The following SLF2 variants were observed in gnomAD, a reference collection of about 807,000 sequenced individuals.
SLF2 encodes the protein SMC5-SMC6 complex localization factor protein 2.
Under a neutral mutation model 124.3 loss-of-function variants are expected in SLF2, and 68 were observed. The observed-to-expected ratio is 0.55, with a 90% CI of 0.45 to 0.67. The LOEUF is 0.67. SLF2 is among the 30% of genes least tolerant of loss of function. The pLI is 0.00. For synonymous variants in SLF2, 480 were observed against 478.8 expected (o/e 1.00, Z -0.03); for missense variants, 1,246 against 1,373.7 (o/e 0.91, Z 1.47).
chr10:100,964,042 T>C lies in SLF2; in HGVS notation c.*2130T>C, dbSNP rs1589973244. 6.5e-6 allele frequency: 1 copy of C among 152,764 alleles called. No homozygotes were observed. Among genetic ancestry groups the C allele is most frequent in the Admixed American group, 6.5e-5 (1 of 15,302 alleles). 9.5% of individuals were successfully genotyped at this position (152,764 alleles called of 1,614,324 possible). ...TCATAGTCCAGTCAGTATTTGCATT[T>C]GGGTTCTCATGAAAACTTTGTGACT... On this transcript the variant is annotated 3_prime_UTR_variant, in exon 20 of 20. Transcript: ENST00000238961.
intron 17 of SLF2, among the ~76,000 whole-genome samples, chr10:100,954,993 G>GCAGTGGCA (rs1332310275): frequency 6.7e-6 from 1 of 148,980 alleles, no homozygotes; most frequent in Admixed American, 6.7e-5. Flanking sequence ...AGGCTGGAGT[G>GCAGTGGCA]CAGTGGCACA....
chr10:100,928,977 C>T (rs927810238), intron 6 of SLF2, among the ~76,000 whole-genome samples: 5 of 152,132 alleles, frequency 3.3e-5, no homozygotes, highest in African/African-American at 1.2e-4. Context: ...GATGTTTATT[C>T]TTTGCCATTT....
chr10:100,953,269 C>G (rs1407334253), intron 17 of SLF2, among the ~76,000 whole-genome samples: 2 of 151,650 alleles, frequency 1.3e-5, no homozygotes, highest in African/African-American at 4.8e-5. Flanking sequence ...ATCCGCCCAC[C>G]TCGGCCTCCC....
intron 12 of SLF2, among the ~76,000 whole-genome samples, chr10:100,944,463 C>G (rs1435969062): frequency 2.2e-5 from 3 of 134,138 alleles, no homozygotes; most frequent in African/African-American, 8.5e-5. Context: ...CCACTGCACT[C>G]TAGCCTGGGC....
At chr10:100,915,973 A>T (rs1301625464) in intron 1 of SLF2, 26 bp from the exon 2 acceptor site, 2 of 1,564,528 alleles carry the variant, frequency 1.3e-6, no homozygotes, top group African/African-American at 1.4e-5. Flanking sequence ...TGCTTATATG[A>T]TGCCATATTA....
At chr10:100,937,065 A>G (rs1428981198) in intron 9 of SLF2, among the ~76,000 whole-genome samples, 3 of 152,078 alleles carry the variant, frequency 2.0e-5, no homozygotes, top group African/African-American at 7.2e-5. Context: ...TTTTTATTTT[A>G]TCTTATTGTA....
chr10:100,916,381 CAAAT>C (rs1356831939), intron 2 of SLF2, among the ~76,000 whole-genome samples, 185 bp from the exon 3 acceptor site: 1 of 152,048 alleles, frequency 6.6e-6, no homozygotes, highest in Non-Finnish European at 1.5e-5. Flanking sequence ...AGGCTTTTAA[CAAAT>C]AAATCATCTC....
chr10:100,955,310 A>G (rs549076095), intron 17 of SLF2, among the ~76,000 whole-genome samples: 1 of 152,136 alleles, frequency 6.6e-6, no homozygotes, highest in Non-Finnish European at 1.5e-5. Flanking sequence ...TATACCAGAA[A>G]GAGGGGCATG....
chr10:100,942,753 G>A (rs1290651959), intron 11 of SLF2, among the ~76,000 whole-genome samples: 8 of 151,988 alleles, frequency 5.3e-5, no homozygotes, highest in Non-Finnish European at 8.8e-5. Flanking sequence ...TCCTGACCTC[G>A]GGTGATCTGC....
intron 1 of SLF2, chr10:100,913,472 G>T (rs766787144): frequency 1.9e-5 from 24 of 1,288,472 alleles, no homozygotes; most frequent in Non-Finnish European, 2.3e-5. Flanking sequence ...GTGACCACCA[G>T]CCTGGACAGC....
rs771354752 is a variant in SLF2, at chr10:100,913,197, C to T, written c.87C>T (p.Pro29=). ...GSSPPRCHLR[P]GSTAHAAAGK... ...CGCCCCCGCGCTGCCATCTGAGACC[C>T]GGTAGTACCGCCCATGCTGCAGCGG... Residue 29 remains proline (P), a synonymous_variant, in exon 1 of 20, where the codon CCC becomes CCT. Transcript: ENST00000238961. The T allele has an allele frequency of 3.8e-5, 61 of 1,612,654 alleles. No individual in the cohort carries two copies. The South Asian group carries it at 6.5e-4, about 17-fold the overall frequency.
chr10:100,928,068 CGAGAGAG>C (rs1849652158), intron 6 of SLF2, among the ~76,000 whole-genome samples: 1 of 59,530 alleles, frequency 1.7e-5, no homozygotes, highest in African/African-American at 5.6e-5. Flanking sequence ...CACACACACA[CGAGAGAG>C]AGACAGAGAG....
chr10:100,937,254 G>A (rs763882886), intron 9 of SLF2, 148 bp from the exon 10 acceptor site: 19 of 668,928 alleles, frequency 2.8e-5, no homozygotes, highest in East Asian at 8.0e-5. Context: ...CAAGGTATCC[G>A]CCCGCCTTAG....
intron 11 of SLF2, among the ~76,000 whole-genome samples, chr10:100,940,576 G>A (rs1243420998): frequency 6.6e-6 from 1 of 152,114 alleles, no homozygotes; most frequent in African/African-American, 2.4e-5. Flanking sequence ...TGCCCAGGCT[G>A]GTCTCGAACC....
At position 100,928,276 on chromosome 10, in the gene SLF2, T is replaced by C. The variant is rs113073131; in HGVS notation, c.2043-1041T>C. Among the ~76,000 whole-genome samples the C allele has an allele frequency of 4.7e-3, 723 of 152,256 alleles. 2 individuals are homozygous for C. The highest frequency in any genetic ancestry group is 7.4e-3 in the Non-Finnish European group (500 of 68,008). Reference sequence around the variant, plus strand: ...ACTTGATTACATGGAAGTTGGTATGTGCTACATATCTCAAACTTGATAACC... The same window carrying C: ...ACTTGATTACATGGAAGTTGGTATGCGCTACATATCTCAAACTTGATAACC... On this transcript the variant is annotated intron_variant, in intron 6 of 19. Transcript: ENST00000238961.
In SLF2 at chr10:100,961,942, A is replaced by C. The variant is rs759712708; in HGVS notation, c.*30A>C. The C allele has an allele frequency of 1.9e-6, 3 of 1,593,692 alleles. No homozygotes were observed. The highest frequency in any genetic ancestry group is 2.6e-6 in the Non-Finnish European group (3 of 1,164,952). ...AGTTGCAGCAGCAAAAATATGAACC[A>C]AGAGAAATTCAATAAGAGCCTTTCA... On this transcript the variant is annotated 3_prime_UTR_variant, in exon 20 of 20. Transcript: ENST00000238961.
intron 8 of SLF2, 58 bp downstream of exon 8, chr10:100,930,055 T>G: frequency 8.9e-7 from 1 of 1,128,216 alleles, no homozygotes; most frequent in Non-Finnish European, 1.2e-6. Context: ...TCTAAAACAC[T>G]TCTGACTCAC....
At chr10:100,913,455 T>G in intron 1 of SLF2, 1 of 1,321,034 alleles carries the variant, frequency 7.6e-7, no homozygotes, top group East Asian at 3.1e-5. Context: ...CAGCTGCTCT[T>G]GGTCTAGTGA....
chr10:100,921,739 C>T (rs1849527039), intron 4 of SLF2, among the ~76,000 whole-genome samples: 1 of 152,186 alleles, frequency 6.6e-6, no homozygotes, highest in East Asian at 1.9e-4. Flanking sequence ...AATTATCTGA[C>T]TTCTCTAGAA....
Sources: gnomAD v4.1 joint callset for allele counts (sites outside exome capture counted in the v4.1 genomes callset) on GRCh38, gnomAD v4.1.1 for gene constraint, MANE v1.5 for transcripts, NCBI Gene and HGNC (gene_info 2026-07-23, HGNC 2026-07-21) for gene names.